Variants in ATP9A observed in about 807,000 individuals in gnomAD.
ATP9A encodes probable phospholipid-transporting ATPase IIA.
In ATP9A, 52 loss-of-function variants were observed where a neutral mutation model predicts 144.1. That is an observed-to-expected ratio of 0.36 (90% CI 0.29 to 0.45). The LOEUF (loss-of-function observed/expected upper bound fraction) is 0.45, where lower values mean the gene tolerates loss of function less well. Ranked by LOEUF, ATP9A falls within the 20% of genes least tolerant of loss-of-function variation. The pLI, the probability that ATP9A is intolerant of heterozygous loss-of-function variation, is 1.00. For synonymous variants in ATP9A, 582 were observed against 557.4 expected (o/e 1.04, Z -0.62); for missense variants, 947 against 1,392.7 (o/e 0.68, Z 5.09).
chr20:51,624,690 G>A (rs1601064037), intron 18 of ATP9A, among the ~76,000 whole-genome samples: 1 of 152,120 alleles, frequency 6.6e-6, no homozygotes, highest in East Asian at 1.9e-4. Flanking sequence ...AAAGGCAAAC[G>A]CTACACAAGA....
chr20:51,668,334 G>A (rs1039137964), intron 13 of ATP9A, among the ~76,000 whole-genome samples: 110 of 151,866 alleles, frequency 7.2e-4, no homozygotes, highest in Admixed American at 2.0e-3. Flanking sequence ...AGGTTTAGGA[G>A]ATGAGGGAAG....
intron 14 of ATP9A, among the ~76,000 whole-genome samples, chr20:51,649,905 T>C (rs1224494759): frequency 1.7e-5 from 2 of 120,178 alleles, no homozygotes; most frequent in East Asian, 2.9e-4. Flanking sequence ...AGAGCGAGAA[T>C]CCGTCTCAAA....
chr20:51,658,895 G>GGGT (rs1555833855), intron 13 of ATP9A, among the ~76,000 whole-genome samples: 1 of 117,534 alleles, frequency 8.5e-6, no homozygotes, highest in African/African-American at 3.5e-5. Context: ...TGGCGGGGGG[G>GGGT]GGGGGGGGAA....
intron 13 of ATP9A, among the ~76,000 whole-genome samples, chr20:51,660,609 A>G (rs560833875): frequency 6.6e-6 from 1 of 152,334 alleles, no homozygotes; most frequent in Admixed American, 6.5e-5. Flanking sequence ...GAAGGAGAGG[A>G]AATACTCATT....
chr20:51,596,734 C>G lies in ATP9A; in HGVS notation c.*4477G>C, dbSNP rs1282501501. On this transcript the variant is annotated 3_prime_UTR_variant, in exon 28 of 28. Coordinates refer to ENST00000338821, the MANE Select transcript of ATP9A (RefSeq NM_006045.3). ...TAATAAAAAGTCCTCATTTTGATAC[C>G]AGAATTCATGTTTCTGTACAAATTA... 2 of 151,954 alleles carry G rather than the reference C, an allele frequency of 1.3e-5. No individual in the cohort carries two copies. Among genetic ancestry groups the G allele is most frequent in the African/African-American group, 2.4e-5 (1 of 41,338 alleles). The allele number at this position is 151,954 out of a possible 1,614,324, so 9.4% of individuals were successfully genotyped here.
At chr20:51,766,879 G>C (rs544520472) in intron 1 of ATP9A, among the ~76,000 whole-genome samples, 2 of 152,076 alleles carry the variant, frequency 1.3e-5, no homozygotes, top group South Asian at 4.2e-4. Flanking sequence ...ACGCAAAACA[G>C]AGAAGGGAGG....
rs6091340 is a variant in ATP9A, at chr20:51,609,412, A to G, written c.2636+689T>C. 8.3e-3 allele frequency among the ~76,000 whole-genome samples: 1,258 copies of G among 152,080 alleles called. 19 individuals are homozygous for G. The highest frequency in any genetic ancestry group is 0.029 in the African/African-American group (1,199 of 41,460). On this transcript the variant is annotated intron_variant, in intron 24 of 27. Transcript: ENST00000338821. ...TCCAGAGCGCAGCTGACCTTCCCGC[A>G]CCCGCCGTCTCCTCATAACCAGAAG... is the stretch of plus-strand genomic sequence containing the variant.
rs73910750 is a variant in ATP9A at position 51,620,616 on chromosome 20, T to C, written c.2115+1458A>G. 3.1e-3 allele frequency among the ~76,000 whole-genome samples: 467 copies of C among 152,068 alleles called. 4 individuals are homozygous for C. The highest frequency in any genetic ancestry group is 0.01 in the African/African-American group (435 of 41,480). On this transcript the variant is annotated intron_variant, in intron 19 of 27. Coordinates refer to ENST00000338821, the MANE Select transcript of ATP9A (RefSeq NM_006045.3). ...TAAGTCACATCAACAGCCTTCCTGT[T>C]GATGTGACTTATGGATGTTGGGAAG...
At chr20:51,605,927 G>T (rs1458368781) in intron 26 of ATP9A, among the ~76,000 whole-genome samples, 1 of 141,108 alleles carries the variant, frequency 7.1e-6, no homozygotes, top group African/African-American at 2.6e-5. Context: ...AAAAAAAAAA[G>T]AATAAACCCC....
chr20:51,635,842 G>A (rs1223064597), intron 15 of ATP9A, among the ~76,000 whole-genome samples: 1 of 12,288 alleles, frequency 8.1e-5, no homozygotes, highest in African/African-American at 1.6e-4. Context: ...GGGAGGGAGG[G>A]AAAAAGGAAG....
chr20:51,617,676 G>T, intron 21 of ATP9A, 122 bp from the exon 22 acceptor site: 1 of 1,057,912 alleles, frequency 9.5e-7, no homozygotes, highest in Non-Finnish European at 1.4e-6. Context: ...GGCCTGCCCC[G>T]TCCATTCCAT....
At chr20:51,637,712 T>TA (rs2077298629) in intron 15 of ATP9A, among the ~76,000 whole-genome samples, 3 of 151,006 alleles carry the variant, frequency 2.0e-5, no homozygotes, top group South Asian at 2.1e-4. Context: ...TTTTTTTTTT[T>TA]ATTTCCAAAG....
At chr20:51,616,447 T>C (rs2077203228) in intron 22 of ATP9A, among the ~76,000 whole-genome samples, 1 of 152,118 alleles carries the variant, frequency 6.6e-6, no homozygotes, top group Non-Finnish European at 1.5e-5. Flanking sequence ...GCCTCCTGAG[T>C]AGCTGGGATT....
At chr20:51,603,140 G>A (rs1325353498) in intron 27 of ATP9A, among the ~76,000 whole-genome samples, 2 of 152,188 alleles carry the variant, frequency 1.3e-5, no homozygotes, top group Non-Finnish European at 2.9e-5. Context: ...CTTCTTAGCA[G>A]AGAAGCAGCC....
Position 51,618,383 on chromosome 20 carries a change from C to G in ATP9A, c.2350+279G>C, listed in dbSNP as rs1332800401. On this transcript the variant is annotated intron_variant, in intron 21 of 27. Coordinates refer to ENST00000338821, the MANE Select transcript of ATP9A (RefSeq NM_006045.3). ...CCAGTGGAAAGATTTGAACCCAGAT[C>G]CAACCCCACAGTGTGTGGTCTCCAC... is the stretch of plus-strand genomic sequence containing the variant. Among the ~76,000 whole-genome samples the G allele has an allele frequency of 1.2e-4, 19 of 152,206 alleles. No homozygotes were observed. The East Asian group carries it at 3.5e-3, about 28-fold the overall frequency.
chr20:51,676,085 C>T lies in ATP9A; in HGVS notation c.876+47G>A, dbSNP rs1235366236. 6 of 1,483,418 alleles carry T rather than the reference C, an allele frequency of 4.0e-6. No homozygotes were observed. In the African/African-American group the frequency reaches 5.6e-5, roughly 14 times the overall value. The allele number at this position is 1,483,418 out of a possible 1,614,324, so 91.9% of individuals were successfully genotyped here. A position where few individuals can be genotyped will look rare whatever the true frequency, so the allele number is the denominator to read the frequency against. ...ATATCTCGTCACTCACCCACCAGAA[C>T]CAACCAGCCCACAGCCGGTCAATGT... is the stretch of plus-strand genomic sequence containing the variant. On this transcript the variant is annotated intron_variant, in intron 10 of 27. Coordinates refer to ENST00000338821, the MANE Select transcript of ATP9A (RefSeq NM_006045.3).
At chr20:51,676,592 C>A (rs193126822) in intron 9 of ATP9A, among the ~76,000 whole-genome samples, 2 of 152,312 alleles carry the variant, frequency 1.3e-5, no homozygotes, top group African/African-American at 4.8e-5. Flanking sequence ...AATTATCCTG[C>A]CTCAGCCTCC....
intron 6 of ATP9A, among the ~76,000 whole-genome samples, chr20:51,695,231 G>A: frequency 6.6e-6 from 1 of 152,086 alleles, no homozygotes; most frequent in East Asian, 1.9e-4. Context: ...GCTCACACCT[G>A]TAATTCCAGC....
intron 3 of ATP9A, among the ~76,000 whole-genome samples, chr20:51,723,414 TA>T (rs556869532): frequency 3.6e-4 from 54 of 149,074 alleles, no homozygotes; most frequent in African/African-American, 9.8e-4. Context: ...AAAAATGAAT[TA>T]AAAAAAAAAT....
Sources: allele counts gnomAD v4.1 joint callset (sites outside exome capture counted in the v4.1 genomes callset), GRCh38; gene constraint gnomAD v4.1.1; transcripts MANE v1.5; gene names NCBI Gene and HGNC (gene_info 2026-07-23, HGNC 2026-07-21).